Variants in CCNE1 observed in about 807,000 individuals in gnomAD.
CCNE1 encodes G1/S-specific cyclin-E1.
CCNE1 carries 8 observed loss-of-function variants against 54.1 expected under a neutral mutation model. The observed-to-expected ratio is 0.15, with a 90% CI of 0.09 to 0.27. The LOEUF (loss-of-function observed/expected upper bound fraction) is 0.27. Ranked by LOEUF, CCNE1 falls within the 10% of genes least tolerant of loss-of-function variation. The pLI is 1.00. For missense variants in CCNE1, 430 were observed against 514.9 expected, an observed-to-expected ratio of 0.84 and a Z score of 1.60; for synonymous variants, 179 against 185.2, an observed-to-expected ratio of 0.97 and a Z score of 0.27.
Position 29,817,506 on chromosome 19 carries a change from A to C in CCNE1, c.427A>C (p.Lys143Gln). 1 of 1,614,212 alleles carries C rather than the reference A, an allele frequency of 6.2e-7. No individual in the cohort carries two copies. The change falls in exon 6 of 12, where the codon AAA (lysine) becomes CAA (glutamine). Residue 143 changes from lysine to glutamine, a missense_variant. By Grantham distance (53) the Lys-to-Gln change is moderately conservative (BLOSUM62 1). Around this residue, in one of 2 missense-constraint regions of CCNE1, gnomAD observed 303 missense variants for 401.1 expected, o/e 0.76. Coordinates refer to ENST00000262643, the MANE Select transcript of CCNE1 (RefSeq NM_001238.4). The part of the protein sequence containing the change: ...FLEQHPLLQP[K>Q]MRAILLDWLM... The stretch of plus-strand genomic sequence containing the variant: ...TGAGCAACACCCTCTTCTGCAGCCA[A>C]AAATGCGAGCAATTCTTCTGGATTG...
At chr19:29,815,085 A>C (rs111872171) in intron 4 of CCNE1, among the ~76,000 whole-genome samples, 2 of 152,126 alleles carry the variant, frequency 1.3e-5, no homozygotes, top group African/African-American at 2.4e-5. Context: ...TAATTATTCT[A>C]CCTCATCCAC....
At chr19:29,821,953 CT>C in intron 8 of CCNE1, 42 bp from the exon 9 acceptor site, 5 of 1,591,910 alleles carry the variant, frequency 3.1e-6, no homozygotes, top group Non-Finnish European at 4.3e-6. Context: ...TTTTGAACTT[CT>C]TTTCTCAATC....
Position 29,820,693 on chromosome 19 carries a change from T to C in CCNE1, c.463-9T>C, listed in dbSNP as rs765711502. ...TACTTGTGCTAAAACTTACTAAATA[T>C]GTTTTCAGGTGTGTGAAGTCTATAA... On this transcript the variant is annotated splice_polypyrimidine_tract_variant and intron_variant, in intron 6 of 11. Transcript: ENST00000262643. The C allele has an allele frequency of 1.9e-6, 3 of 1,589,932 alleles. No homozygotes were observed. The highest frequency in any genetic ancestry group is 1.7e-4 in the Middle Eastern group (1 of 5,968).
intron 2 of CCNE1, 52 bp from the exon 3 acceptor site, chr19:29,812,637 G>A: frequency 3.9e-6 from 6 of 1,553,180 alleles, no homozygotes; most frequent in Non-Finnish European, 5.2e-6. Flanking sequence ...GGTGGCGTGG[G>A]GGAGGGGCGG....
chr19:29,812,650 G>A (rs780847169), intron 2 of CCNE1, 39 bp from the exon 3 acceptor site: 1 of 1,560,706 alleles, frequency 6.4e-7, no homozygotes, highest in Non-Finnish European at 8.7e-7. Context: ...AGGGGCGGCC[G>A]CGGGTGCTCA....
intron 6 of CCNE1, 81 bp from the exon 7 acceptor site, chr19:29,820,621 C>T (rs1343369050): frequency 2.0e-6 from 2 of 1,012,920 alleles, no homozygotes; most frequent in East Asian, 2.5e-5. Context: ...TTTCCTTCAC[C>T]AAAGTCATTA....
Position 29,822,590 on chromosome 19 carries a change from G to A in CCNE1, c.1097G>A (p.Ser366Asn), listed in dbSNP as rs750976115. 6.2e-7 allele frequency: 1 copy of A among 1,610,122 alleles called. No individual in the cohort carries two copies. Among genetic ancestry groups the A allele is most frequent in the Admixed American group, 1.7e-5 (1 of 59,468 alleles). ...DAHNIQTHRD[S>N]LDLLDKARAK... Reference sequence around the variant, plus strand: ...CACAACATACAGACCCACAGAGACAGCTTGGATTTGCTGGTCAGTGCTGCT... The same window carrying A: ...CACAACATACAGACCCACAGAGACAACTTGGATTTGCTGGTCAGTGCTGCT... The change falls in exon 11 of 12, where the codon AGC becomes AAC. Residue 366 changes from serine to asparagine, a missense_variant. Ser to Asn is a conservative substitution (Grantham distance 46, BLOSUM62 1). Coordinates refer to ENST00000262643, the MANE Select transcript of CCNE1 (RefSeq NM_001238.4).
intron 6 of CCNE1, among the ~76,000 whole-genome samples, chr19:29,817,748 A>G (rs1810226894): frequency 6.6e-6 from 1 of 151,946 alleles, no homozygotes; most frequent in South Asian, 2.1e-4. Flanking sequence ...ATGTTTTAAA[A>G]TTGGCATCTA....
intron 2 of CCNE1, 48 bp downstream of exon 2, chr19:29,812,626 G>T (rs1030878257): frequency 6.5e-7 from 1 of 1,548,930 alleles, no homozygotes; most frequent in Admixed American, 2.0e-5. Context: ...GGGACGGGAC[G>T]GGTGGCGTGG....
At chr19:29,821,604 A>C (rs1974147709) in intron 7 of CCNE1, 118 bp from the exon 8 acceptor site, 1 of 442,064 alleles carries the variant, frequency 2.3e-6, no homozygotes, top group Non-Finnish European at 3.9e-6. Flanking sequence ...TGTTAATTCC[A>C]TCAGTGCGCC....
Position 29,817,331 on chromosome 19 carries a change from C to T in CCNE1, c.326+49C>T, listed in dbSNP as rs367736690. 14 of 1,613,294 alleles carry T rather than the reference C, an allele frequency of 8.7e-6. No homozygotes were observed. In the East Asian group the frequency reaches 3.1e-4, roughly 36 times the overall value. ...GCTTCCAGGTCTCTTACTCCATGCTCCCCTTTATCCCTCATAGCATGGACG... is the reference window on the plus strand; with the variant it reads ...GCTTCCAGGTCTCTTACTCCATGCTTCCCTTTATCCCTCATAGCATGGACG... On this transcript the variant is annotated intron_variant, in intron 5 of 11. Coordinates refer to ENST00000262643, the MANE Select transcript of CCNE1 (RefSeq NM_001238.4).
intron 4 of CCNE1, among the ~76,000 whole-genome samples, chr19:29,815,698 G>A (rs1478640276): frequency 2.0e-5 from 3 of 149,684 alleles, no homozygotes; most frequent in South Asian, 2.1e-4. Flanking sequence ...GCGCGAGCTC[G>A]GCTCCCTGCA....
rs565092088 is a variant in CCNE1 at position 29,815,790 on chromosome 19, G to A, written c.181-1347G>A. Among the ~76,000 whole-genome samples the A allele has an allele frequency of 1.2e-3, 176 of 151,210 alleles. 1 individual carries two copies. Among genetic ancestry groups the A allele is most frequent in the African/African-American group, 3.9e-3 (162 of 41,178 alleles). On this transcript the variant is annotated intron_variant, in intron 4 of 11. Coordinates refer to ENST00000262643, the MANE Select transcript of CCNE1 (RefSeq NM_001238.4). The stretch of plus-strand genomic sequence containing the variant: ...ATTACAGGCGCCCGCTACCACACCC[G>A]GCTAATTTTTGTATTTTTAGTAGAG...
chr19:29,818,114 C>T (rs1974069773), intron 6 of CCNE1, among the ~76,000 whole-genome samples: 1 of 151,130 alleles, frequency 6.6e-6, no homozygotes, highest in Non-Finnish European at 1.5e-5. Flanking sequence ...GCAAGCTCCT[C>T]CTCCCGGGTT....
rs201537138 is a variant in CCNE1, at chr19:29,822,676, G to T, written c.1110+73G>T. 3 of 1,470,620 alleles carry T rather than the reference G, an allele frequency of 2.0e-6. No individual in the cohort carries two copies. In the East Asian group the frequency reaches 6.8e-5, roughly 34 times the overall value. The allele number at this position is 1,470,620 out of a possible 1,614,324, so 91.1% of individuals were successfully genotyped here. On this transcript the variant is annotated intron_variant, in intron 11 of 11. Coordinates refer to ENST00000262643, the MANE Select transcript of CCNE1 (RefSeq NM_001238.4). ...CTGCCTAAATAGGCCAGCCGCGGTG[G>T]TTCAGGCCTGTAAACCCAGCACTTT...
Position 29,817,520 on chromosome 19 carries a change from T to A in CCNE1, c.441T>A (p.Ile147=). Residue 147 remains isoleucine, a synonymous_variant, in exon 6 of 12, where the codon ATT becomes ATA. Transcript: ENST00000262643. The part of the protein sequence containing the change: ...HPLLQPKMRA[I]LLDWLMEVCE... Reference sequence around the variant, plus strand: ...TTCTGCAGCCAAAAATGCGAGCAATTCTTCTGGATTGGTTAATGGAGGTGA... The same window carrying A: ...TTCTGCAGCCAAAAATGCGAGCAATACTTCTGGATTGGTTAATGGAGGTGA... The A allele has an allele frequency of 6.2e-7, 1 of 1,614,190 alleles. No individual in the cohort carries two copies. The highest frequency in any genetic ancestry group is 1.1e-5 in the South Asian group (1 of 91,082).
Position 29,822,509 on chromosome 19 carries a change from G to A in CCNE1, c.1016G>A (p.Arg339Lys), listed in dbSNP as rs1830662049. Residue 339 changes from arginine (R) to lysine (K), a missense_variant, in exon 11 of 12, where the codon AGG becomes AAG. Physicochemically the swap from Arg to Lys is conservative, Grantham distance 26. Around this residue, in one of 2 missense-constraint regions of CCNE1, gnomAD observed 303 missense variants for 401.1 expected, o/e 0.76. Coordinates refer to ENST00000262643, the MANE Select transcript of CCNE1 (RefSeq NM_001238.4). ...ATGGTTCCATTTGCCATGGTTATAA[G>A]GGAGACGGGGAGCTCAAAACTGAAG... Reference protein sequence around the residue: ...KWMVPFAMVIRETGSSKLKHF... With the variant: ...KWMVPFAMVIKETGSSKLKHF... 1 of 1,614,124 alleles carries A rather than the reference G, an allele frequency of 6.2e-7. No individual in the cohort carries two copies. Among genetic ancestry groups the A allele is most frequent in the Non-Finnish European group, 8.5e-7 (1 of 1,180,042 alleles).
At chr19:29,823,332 T>C (rs1189386340) in intron 11 of CCNE1, among the ~76,000 whole-genome samples, 4 of 151,976 alleles carry the variant, frequency 2.6e-5, no homozygotes, top group African/African-American at 7.3e-5. Context: ...TCGCCTGATA[T>C]CAGGAGTTCA....
chr19:29,812,601 C>CGGACGGGACGGGACG (rs567572959), intron 2 of CCNE1, 23 bp downstream of exon 2: 14 of 1,533,460 alleles, frequency 9.1e-6, no homozygotes, highest in Middle Eastern at 2.2e-4. Flanking sequence ...GCCGCGGGGC[C>CGGACGGGACGGGACG]GGACGGGACG....
Sources: allele counts gnomAD v4.1 joint callset (sites outside exome capture counted in the v4.1 genomes callset), GRCh38; gene constraint gnomAD v4.1.1; regional missense constraint gnomAD v4.1.1; transcripts MANE v1.5; gene names NCBI Gene and HGNC (gene_info 2026-07-23, HGNC 2026-07-21).